GPC6: variants seen among roughly 807,000 people sequenced by gnomAD.
GPC6 encodes glypican 6.
Under a neutral mutation model 55.2 loss-of-function variants are expected in GPC6, and 14 were observed. The observed-to-expected ratio is 0.25, with a 90% CI of 0.17 to 0.40. The LOEUF is 0.40. GPC6 is among the 10% of genes least tolerant of loss of function. The pLI, the probability that GPC6 is intolerant of heterozygous loss-of-function variation, is 1.00. For missense variants in GPC6, 641 were observed against 708.5 expected, an observed-to-expected ratio of 0.90 and a Z score of 1.08; for synonymous variants, 278 against 259.6, an observed-to-expected ratio of 1.07 and a Z score of -0.68.
intron 2 of GPC6, among the ~76,000 whole-genome samples, chr13:93,785,475 A>G (rs1885790857): frequency 6.6e-6 from 1 of 152,038 alleles, no homozygotes; most frequent in Non-Finnish European, 1.5e-5. Context: ...ATTTTAAGTA[A>G]ATGGCTCAAT....
At chr13:93,337,666 A>G (rs908209876) in intron 1 of GPC6, among the ~76,000 whole-genome samples, 2 of 152,220 alleles carry the variant, frequency 1.3e-5, no homozygotes, top group Non-Finnish European at 2.9e-5. Context: ...ATGACATCAA[A>G]TACATCCTTG....
rs961656023 is a variant in GPC6 at position 93,692,004 on chromosome 13, T to C, written c.320-138150T>C. Among the ~76,000 whole-genome samples the C allele has an allele frequency of 3.9e-5, 6 of 152,098 alleles. No individual in the cohort carries two copies. The South Asian group carries it at 6.2e-4, about 16-fold the overall frequency. On this transcript the variant is annotated intron_variant, in intron 2 of 8. Transcript: ENST00000377047. ...TTATATACAATGGTTATTTGCATCA[T>C]TGAATTGCCATTTATGTAAAATGCT...
intron 3 of GPC6, among the ~76,000 whole-genome samples, chr13:93,914,279 A>C (rs1877172845): frequency 6.7e-6 from 1 of 148,950 alleles, no homozygotes; most frequent in African/African-American, 2.5e-5. Flanking sequence ...ATGTGTTCTC[A>C]TTGTTCAATT....
intron 1 of GPC6, among the ~76,000 whole-genome samples, chr13:93,363,823 C>T (rs1881139180): frequency 6.6e-6 from 1 of 151,880 alleles, no homozygotes; most frequent in Admixed American, 6.6e-5. Context: ...TAATGATTGC[C>T]ATTCTGACTG....
intron 4 of GPC6, among the ~76,000 whole-genome samples, chr13:94,202,127 G>A (rs1049533617): frequency 1.3e-5 from 2 of 152,012 alleles, no homozygotes; most frequent in Admixed American, 6.6e-5. Flanking sequence ...CTCCTCAAAT[G>A]GATCATAAAT....
intron 1 of GPC6, among the ~76,000 whole-genome samples, chr13:93,435,055 G>A (rs1388821835): frequency 6.6e-6 from 1 of 151,958 alleles, no homozygotes; most frequent in Non-Finnish European, 1.5e-5. Context: ...AGAATTTATT[G>A]GAATAAAAGT....
chr13:94,252,246 C>T (rs1891373041), intron 4 of GPC6, among the ~76,000 whole-genome samples: 3 of 152,254 alleles, frequency 2.0e-5, no homozygotes, highest in Admixed American at 2.0e-4. Context: ...CATCATACTG[C>T]TTTTGTGAAT....
At chr13:93,966,809 C>T (rs1195438987) in intron 3 of GPC6, among the ~76,000 whole-genome samples, 1 of 151,962 alleles carries the variant, frequency 6.6e-6, no homozygotes, top group African/African-American at 2.4e-5. Flanking sequence ...TGCCACTACA[C>T]CTGGCTAATT....
At chr13:93,477,035 A>G (rs551540243) in intron 1 of GPC6, among the ~76,000 whole-genome samples, 2 of 152,262 alleles carry the variant, frequency 1.3e-5, no homozygotes, top group East Asian at 3.9e-4. Flanking sequence ...AGCTATAAGA[A>G]CCGCATGTAG....
rs531050441 is a variant in GPC6, at chr13:93,750,909, A to G, written c.320-79245A>G. 9.2e-5 allele frequency among the ~76,000 whole-genome samples: 14 copies of G among 152,262 alleles called. No individual in the cohort carries two copies. The South Asian group carries it at 1.7e-3, about 18-fold the overall frequency. ...GGGAGTGGTTCACAGCATATGCCACAGTGCTTTTCCAGATGTCCAGGGGAA... is the reference window on the plus strand; with the variant it reads ...GGGAGTGGTTCACAGCATATGCCACGGTGCTTTTCCAGATGTCCAGGGGAA... On this transcript the variant is annotated intron_variant, in intron 2 of 8. Coordinates refer to ENST00000377047, the MANE Select transcript of GPC6 (RefSeq NM_005708.5).
chr13:93,579,689 T>G (rs1209170274), intron 2 of GPC6, among the ~76,000 whole-genome samples: 1 of 152,206 alleles, frequency 6.6e-6, no homozygotes, highest in Non-Finnish European at 1.5e-5. Flanking sequence ...TTGATTAAGA[T>G]GCTTGAAGTC....
chr13:93,378,472 A>G (rs140758234), intron 1 of GPC6, among the ~76,000 whole-genome samples: 3 of 152,260 alleles, frequency 2.0e-5, no homozygotes, highest in African/African-American at 7.2e-5. Context: ...TTAATTCCTC[A>G]GTTAATTGCT....
chr13:93,935,353 C>T (rs879848904), intron 3 of GPC6, among the ~76,000 whole-genome samples: 1 of 152,114 alleles, frequency 6.6e-6, no homozygotes, highest in Admixed American at 6.6e-5. Flanking sequence ...TAAATGAGAA[C>T]ATGAAATATT....
intron 6 of GPC6, among the ~76,000 whole-genome samples, chr13:94,307,767 C>A (rs975790208): frequency 5.9e-5 from 9 of 152,154 alleles, no homozygotes; most frequent in African/African-American, 1.9e-4. Flanking sequence ...TTTTACTTTA[C>A]AAATTGCATT....
At chr13:93,367,941 C>T (rs999855921) in intron 1 of GPC6, among the ~76,000 whole-genome samples, 5 of 152,004 alleles carry the variant, frequency 3.3e-5, no homozygotes, top group Non-Finnish European at 7.4e-5. Context: ...TCACTTCGAT[C>T]CTTTTAGTTG....
At chr13:93,371,300 T>G (rs9524027) in intron 1 of GPC6, among the ~76,000 whole-genome samples, 52,718 of 151,734 alleles carry the variant, frequency 0.35, 9,750 homozygotes, top group East Asian at 0.7. Flanking sequence ...CCAGGGAGAT[T>G]ACAAAGGATT....
At chr13:93,550,935 G>T (rs946503058) in intron 2 of GPC6, among the ~76,000 whole-genome samples, 4 of 152,014 alleles carry the variant, frequency 2.6e-5, no homozygotes, top group African/African-American at 7.2e-5. Flanking sequence ...TTTACGTTTT[G>T]GGGGAGACAT....
intron 4 of GPC6, among the ~76,000 whole-genome samples, chr13:94,252,720 A>G (rs964190892): frequency 6.6e-6 from 1 of 152,128 alleles, no homozygotes; most frequent in Non-Finnish European, 1.5e-5. Flanking sequence ...AATTTTAAAA[A>G]TGCAGACTTT....
intron 2 of GPC6, among the ~76,000 whole-genome samples, chr13:93,774,184 C>G (rs1243289308): frequency 6.6e-6 from 1 of 152,150 alleles, no homozygotes; most frequent in African/African-American, 2.4e-5. Context: ...TGTCGTTTTT[C>G]CTGTAGGCAC....
Sources: allele counts gnomAD v4.1 joint callset (sites outside exome capture counted in the v4.1 genomes callset), GRCh38; gene constraint gnomAD v4.1.1; transcripts MANE v1.5; gene names NCBI Gene and HGNC (gene_info 2026-07-23, HGNC 2026-07-21).